THUMPD2: variants seen among roughly 807,000 people sequenced by gnomAD.
The protein encoded by THUMPD2 is U6 snRNA (guanine-N(2))-methyltransferase THUMPD2.
A neutral mutation model predicts 49.4 loss-of-function variants in THUMPD2; 56 were observed. That is an observed-to-expected ratio of 1.13 (90% CI 0.91 to 1.41). The LOEUF is 1.41. THUMPD2 is among the 40% of genes most tolerant of loss of function. THUMPD2 has a pLI of 0.00. For synonymous variants in THUMPD2, 237 were observed against 205.2 expected, an observed-to-expected ratio of 1.15 and a Z score of -1.32; for missense variants, 709 against 594.5, an observed-to-expected ratio of 1.19 and a Z score of -2.00.
intron 5 of THUMPD2, among the ~76,000 whole-genome samples, chr2:39,764,017 C>T (rs954393854): frequency 1.3e-5 from 2 of 152,248 alleles, no homozygotes; most frequent in South Asian, 2.1e-4. Flanking sequence ...TGCCTTTGCA[C>T]AGAGATTCCT....
chr2:39,741,188 G>C (rs1444519276), intron 9 of THUMPD2, among the ~76,000 whole-genome samples: 1 of 152,108 alleles, frequency 6.6e-6, no homozygotes, highest in African/African-American at 2.4e-5. Flanking sequence ...AACAGCATAA[G>C]AGATTTCCCT....
intron 6 of THUMPD2, among the ~76,000 whole-genome samples, chr2:39,756,268 A>G (rs940615736): frequency 2.6e-5 from 4 of 152,260 alleles, no homozygotes; most frequent in Non-Finnish European, 5.9e-5. Flanking sequence ...TAATGACAAT[A>G]AGGCAGAGTA....
intron 5 of THUMPD2, among the ~76,000 whole-genome samples, chr2:39,764,834 T>G (rs541565032): frequency 6.6e-6 from 1 of 152,206 alleles, no homozygotes; most frequent in Admixed American, 6.5e-5. Context: ...GCATCTGTTG[T>G]AACCTCATTT....
intron 8 of THUMPD2, among the ~76,000 whole-genome samples, chr2:39,745,790 C>T (rs1048640508): frequency 1.6e-4 from 24 of 152,056 alleles, no homozygotes; most frequent in African/African-American, 5.3e-4. Flanking sequence ...AAGTTGAATA[C>T]ATAAACTTCA....
intron 1 of THUMPD2, among the ~76,000 whole-genome samples, chr2:39,777,438 G>T (rs1254980297): frequency 4.6e-5 from 7 of 152,328 alleles, no homozygotes; most frequent in Admixed American, 3.3e-4. Context: ...TTTAAAGCTA[G>T]AGAGACTCAG....
intron 5 of THUMPD2, among the ~76,000 whole-genome samples, chr2:39,764,243 A>G (rs915092718): frequency 3.3e-5 from 5 of 152,224 alleles, no homozygotes; most frequent in African/African-American, 1.2e-4. Context: ...TGCTTACTGT[A>G]TCCTAGAAAC....
At chr2:39,752,404 T>C (rs1373351685) in intron 8 of THUMPD2, among the ~76,000 whole-genome samples, 2 of 152,172 alleles carry the variant, frequency 1.3e-5, no homozygotes, top group African/African-American at 4.8e-5. Context: ...ATTCCTATAG[T>C]AAAAAGGCAT....
At chr2:39,767,702 A>T (rs1677739247) in intron 4 of THUMPD2, among the ~76,000 whole-genome samples, 1 of 152,066 alleles carries the variant, frequency 6.6e-6, no homozygotes, top group Non-Finnish European at 1.5e-5. Context: ...TATGACAAAC[A>T]ATAAAAAATA....
At chr2:39,765,003 C>A (rs903160700) in intron 5 of THUMPD2, among the ~76,000 whole-genome samples, 2 of 151,960 alleles carry the variant, frequency 1.3e-5, no homozygotes, top group Non-Finnish European at 1.5e-5. Flanking sequence ...AATCAAATAC[C>A]TTTTAAAAAA....
intron 6 of THUMPD2, among the ~76,000 whole-genome samples, chr2:39,759,812 T>C (rs1022490896): frequency 2.0e-5 from 3 of 152,108 alleles, no homozygotes; most frequent in African/African-American, 2.4e-5. Context: ...CCAGCCAAGA[T>C]AGAGATACCC....
At chr2:39,766,197 A>T in intron 4 of THUMPD2, 88 bp from the exon 5 acceptor site, 2 of 964,012 alleles carry the variant, frequency 2.1e-6, no homozygotes. Context: ...TTAAACTTAC[A>T]TGATCTATGT....
rs570382205 is a variant in THUMPD2, at chr2:39,765,245, C to T, written c.803+812G>A. Among the ~76,000 whole-genome samples, 8 of 152,182 alleles carry T rather than the reference C, an allele frequency of 5.3e-5. No individual in the cohort carries two copies. The East Asian group carries it at 5.8e-4, about 11-fold the overall frequency. On this transcript the variant is annotated intron_variant, in intron 5 of 9. Transcript: ENST00000505747. ...CATGATTCTGGCTCATGGCCACCTC[C>T]GCCTCCTGGGTTCAAGTGATTCTCC...
At chr2:39,756,925 T>C (rs1676208797) in intron 6 of THUMPD2, among the ~76,000 whole-genome samples, 1 of 141,156 alleles carries the variant, frequency 7.1e-6, no homozygotes, top group South Asian at 2.3e-4. Flanking sequence ...ATAATAATAA[T>C]AATAATAATA....
At chr2:39,761,201 G>C in intron 6 of THUMPD2, 130 bp downstream of exon 6, 1 of 759,708 alleles carries the variant, frequency 1.3e-6, no homozygotes, top group Admixed American at 2.5e-5. Context: ...ATGGCAAAAA[G>C]AAAAGAAGTT....
intron 1 of THUMPD2, among the ~76,000 whole-genome samples, chr2:39,778,743 G>GT: frequency 6.6e-6 from 1 of 152,320 alleles, no homozygotes; most frequent in Admixed American, 6.5e-5. Flanking sequence ...CTAACAAAAA[G>GT]TCAGGTAACT....
chr2:39,767,319 A>G (rs1368876772), intron 4 of THUMPD2, among the ~76,000 whole-genome samples: 1 of 152,190 alleles, frequency 6.6e-6, no homozygotes, highest in Non-Finnish European at 1.5e-5. Context: ...AGAATTGGAA[A>G]GGGGGCCGGG....
intron 8 of THUMPD2, among the ~76,000 whole-genome samples, chr2:39,749,490 A>G (rs1350533876): frequency 2.0e-5 from 3 of 152,242 alleles, no homozygotes; most frequent in African/African-American, 7.2e-5. Context: ...CATTTGATCT[A>G]AAGGGAAAGT....
intron 7 of THUMPD2, 95 bp from the exon 8 acceptor site, chr2:39,755,504 A>T (rs983242222): frequency 1.3e-6 from 1 of 789,710 alleles, no homozygotes; most frequent in East Asian, 3.0e-5. Flanking sequence ...TGACAAGTGA[A>T]ATTAGTAGAT....
At chr2:39,761,815 C>A (rs980469034) in intron 5 of THUMPD2, among the ~76,000 whole-genome samples, 5 of 152,104 alleles carry the variant, frequency 3.3e-5, no homozygotes, top group Admixed American at 6.5e-5. Flanking sequence ...GGAAGTAGAA[C>A]TGAAGGGATG....
Sources: allele counts gnomAD v4.1 joint callset (sites outside exome capture counted in the v4.1 genomes callset), GRCh38; gene constraint gnomAD v4.1.1; transcripts MANE v1.5; gene names NCBI Gene and HGNC (gene_info 2026-07-23, HGNC 2026-07-21).